Variants in SLC12A2 observed in about 807,000 individuals in gnomAD.
SLC12A2 encodes solute carrier family 12 member 2.
SLC12A2 carries 67 observed loss-of-function variants against 136.3 expected under a neutral mutation model. That is an observed-to-expected ratio of 0.49 (90% CI 0.40 to 0.60). SLC12A2 has a LOEUF of 0.60. SLC12A2 is among the 20% of genes least tolerant of loss of function. The pLI is 0.00. For missense variants in SLC12A2, 1,322 were observed against 1,534.7 expected (o/e 0.86, Z 2.32); for synonymous variants, 619 against 562.9 (o/e 1.10, Z -1.41).
chr5:128,128,135 T>C (rs1410586741), intron 4 of SLC12A2, among the ~76,000 whole-genome samples: 1 of 152,198 alleles, frequency 6.6e-6, no homozygotes, highest in Non-Finnish European at 1.5e-5. Context: ...TTCATGCATC[T>C]AATATAGTTC....
chr5:128,186,541 C>T lies in SLC12A2; in HGVS notation c.3549C>T (p.Tyr1183=). The change falls in exon 27 of 27, where the codon TAC becomes TAT. Residue 1183 remains tyrosine (Y), a synonymous_variant. Transcript: ENST00000262461. ...AAGGTGCTGTGTCTAGTGCTCTCTA[C>T]ATGGCATGGTTAGAAGCTCTATCTA... ...ARKGAVSSAL[Y]MAWLEALSKD... is the part of the protein sequence containing the mutation. 3 of 1,612,962 alleles carry T rather than the reference C, an allele frequency of 1.9e-6. No homozygotes were observed. Among genetic ancestry groups the T allele is most frequent in the Non-Finnish European group, 8.5e-7 (1 of 1,179,742 alleles).
chr5:128,125,040 C>G (rs984268688), intron 4 of SLC12A2, among the ~76,000 whole-genome samples: 2 of 152,176 alleles, frequency 1.3e-5, no homozygotes, highest in African/African-American at 4.8e-5. Flanking sequence ...TATATTTCTT[C>G]TTACATCACA....
At chr5:128,105,337 A>G (rs557685208) in intron 1 of SLC12A2, among the ~76,000 whole-genome samples, 60 of 152,280 alleles carry the variant, frequency 3.9e-4, no homozygotes, top group African/African-American at 1.1e-3. Context: ...GGGATGAGCA[A>G]GGGAGGGGGG....
intron 26 of SLC12A2, 49 bp downstream of exon 26, chr5:128,184,905 C>A: frequency 6.9e-7 from 1 of 1,446,272 alleles, no homozygotes; most frequent in Non-Finnish European, 9.7e-7. Context: ...TGATAATATG[C>A]TTTGAATTAA....
intron 1 of SLC12A2, among the ~76,000 whole-genome samples, chr5:128,099,851 C>G (rs187504840): frequency 6.6e-6 from 1 of 152,242 alleles, no homozygotes; most frequent in Admixed American, 6.5e-5. Flanking sequence ...CTGTCATTTC[C>G]TATAATAACA....
At chr5:128,094,745 A>G (rs768455573) in intron 1 of SLC12A2, among the ~76,000 whole-genome samples, 1 of 152,108 alleles carries the variant, frequency 6.6e-6, no homozygotes, top group Non-Finnish European at 1.5e-5. Flanking sequence ...TCCCCTGTCC[A>G]TATCTTCCAA....
intron 4 of SLC12A2, among the ~76,000 whole-genome samples, chr5:128,119,954 A>G (rs1761492875): frequency 6.6e-6 from 1 of 152,104 alleles, no homozygotes; most frequent in South Asian, 2.1e-4. Flanking sequence ...TTCCCAACCT[A>G]CTCATCTGAC....
intron 20 of SLC12A2, 80 bp downstream of exon 20, chr5:128,174,746 CTT>C: frequency 8.9e-7 from 1 of 1,124,462 alleles, no homozygotes; most frequent in South Asian, 1.8e-5. Context: ...TATAATATGT[CTT>C]ATAAAAATAA....
chr5:128,106,732 C>A (rs1760951288), intron 1 of SLC12A2, among the ~76,000 whole-genome samples: 1 of 151,966 alleles, frequency 6.6e-6, no homozygotes, highest in Non-Finnish European at 1.5e-5. Flanking sequence ...TGGTGGAGAG[C>A]TAGTTGCAAA....
At chr5:128,119,018 TA>T (rs1487068698) in intron 4 of SLC12A2, among the ~76,000 whole-genome samples, 4 of 152,146 alleles carry the variant, frequency 2.6e-5, no homozygotes, top group Non-Finnish European at 5.9e-5. Context: ...AATGTGTAGG[TA>T]TGAGTTTTGT....
At position 128,188,893 on chromosome 5, in the gene SLC12A2, A is replaced by G. The variant is rs1479335063; in HGVS notation, c.*2262A>G. Reference sequence around the variant, plus strand: ...AATAGGGCATGGACTGAGTGCTGCTATCTTGAAATGTGCACAGGTACACTT... The same window carrying G: ...AATAGGGCATGGACTGAGTGCTGCTGTCTTGAAATGTGCACAGGTACACTT... On this transcript the variant is annotated 3_prime_UTR_variant, in exon 27 of 27. Coordinates refer to ENST00000262461, the MANE Select transcript of SLC12A2 (RefSeq NM_001046.3). The G allele has an allele frequency of 6.6e-6, 1 of 151,226 alleles. No individual in the cohort carries two copies. The highest frequency in any genetic ancestry group is 1.5e-5 in the Non-Finnish European group (1 of 67,804). 9.4% of individuals were successfully genotyped at this position (151,226 alleles called of 1,614,324 possible).
At chr5:128,098,852 A>G (rs1760640581) in intron 1 of SLC12A2, among the ~76,000 whole-genome samples, 3 of 152,070 alleles carry the variant, frequency 2.0e-5, no homozygotes, top group African/African-American at 7.2e-5. Flanking sequence ...CCTTGCCATC[A>G]TTATACTTTT....
At chr5:128,120,302 G>T (rs368427048) in intron 4 of SLC12A2, among the ~76,000 whole-genome samples, 2 of 143,714 alleles carry the variant, frequency 1.4e-5, no homozygotes, top group African/African-American at 5.2e-5. Flanking sequence ...TCAGTGTGGC[G>T]ATTCCTCAGG....
chr5:128,116,715 C>T (rs1279593629), intron 4 of SLC12A2, among the ~76,000 whole-genome samples: 1 of 152,142 alleles, frequency 6.6e-6, no homozygotes. Context: ...TGACCAGATA[C>T]TACGAAGCTT....
At chr5:128,128,648 C>T (rs1182270132) in intron 4 of SLC12A2, among the ~76,000 whole-genome samples, 3 of 151,920 alleles carry the variant, frequency 2.0e-5, no homozygotes, top group Admixed American at 1.3e-4. Flanking sequence ...AATTACTTAA[C>T]CTCCCTGAGC....
chr5:128,107,772 G>C lies in SLC12A2; in HGVS notation c.757-5042G>C, dbSNP rs182537273. On this transcript the variant is annotated intron_variant, in intron 1 of 26. Transcript: ENST00000262461. ...ACACACGTGTGCATGTGTCTTTATA[G>C]TAGAATGATTTATAATCCTTTTGAG... Among the ~76,000 whole-genome samples, 79 of 152,258 alleles carry C rather than the reference G, an allele frequency of 5.2e-4. 1 individual carries two copies. The East Asian group carries it at 0.013, about 26-fold the overall frequency.
chr5:128,116,394 AATAT>A (rs60538639), intron 4 of SLC12A2, among the ~76,000 whole-genome samples: 44,572 of 143,964 alleles, frequency 0.31, 8,936 homozygotes, highest in African/African-American at 0.57. Flanking sequence ...TGTATATATA[AATAT>A]ATATATATAT....
At chr5:128,135,333 A>C (rs943617225) in intron 6 of SLC12A2, among the ~76,000 whole-genome samples, 42 of 152,100 alleles carry the variant, frequency 2.8e-4, no homozygotes, top group African/African-American at 1.0e-3. Context: ...CTCCATGTCA[A>C]GATGGTAGTG....
chr5:128,169,075 C>T (rs867385796), intron 18 of SLC12A2: 2 of 151,674 alleles, frequency 1.3e-5, no homozygotes, highest in South Asian at 4.2e-4. Flanking sequence ...TACTTCTTTT[C>T]CTACTATTCT....
Sources: allele counts gnomAD v4.1 joint callset (sites outside exome capture counted in the v4.1 genomes callset), GRCh38; gene constraint gnomAD v4.1.1; transcripts MANE v1.5; gene names NCBI Gene and HGNC (gene_info 2026-07-23, HGNC 2026-07-21).